Variants in ST3GAL4 observed in about 807,000 individuals in gnomAD.
ST3GAL4 encodes the protein CMP-N-acetylneuraminate-beta-galactosamide-alpha-2,3-sialyltransferase 4.
A neutral mutation model predicts 42.6 loss-of-function variants in ST3GAL4; 24 were observed. That is an observed-to-expected ratio of 0.56 (90% CI 0.41 to 0.79). ST3GAL4 has a LOEUF of 0.79. Among genes scored for constraint, ST3GAL4 ranks in the 30% least tolerant of loss-of-function variants. ST3GAL4 has a pLI of 0.00. For missense variants in ST3GAL4, 311 were observed against 430.8 expected (o/e 0.72, Z 2.46); for synonymous variants, 135 against 163.2 (o/e 0.83, Z 1.32).
Position 126,400,158 on chromosome 11 carries a change from A to T in ST3GAL4, c.-60-5938A>T, listed in dbSNP as rs1157925865. On this transcript the variant is annotated intron_variant, in intron 1 of 10. Coordinates refer to ENST00000444328, the MANE Select transcript of ST3GAL4 (RefSeq NM_001254757.2). This position sits in a 1 kb window ranked among gnomAD's most constrained non-coding sequence, Gnocchi z 4.6. ...ACCACAGATTGAGTATATTATAATG[A>T]ATAGAATTTTATTTGGCTCATGGTT... Among the ~76,000 whole-genome samples the T allele has an allele frequency of 6.6e-6, 1 of 152,146 alleles. No homozygotes were observed. The highest frequency in any genetic ancestry group is 1.5e-5 in the Non-Finnish European group (1 of 68,042).
chr11:126,407,912 T>G (rs934784058), intron 6 of ST3GAL4, among the ~76,000 whole-genome samples, 187 bp from the exon 7 acceptor site: 2 of 152,058 alleles, frequency 1.3e-5, no homozygotes, highest in African/African-American at 4.8e-5. Context: ...AGTCTCCTCC[T>G]CTTACAAAGC....
Position 126,384,482 on chromosome 11 carries a change from G to A in ST3GAL4, c.-60-21614G>A, listed in dbSNP as rs1953136974. On this transcript the variant is annotated intron_variant, in intron 1 of 10. Coordinates refer to ENST00000444328, the MANE Select transcript of ST3GAL4 (RefSeq NM_001254757.2). The surrounding 1 kb of genome is among the most constrained non-coding windows in gnomAD (Gnocchi z 5.5). ...GTGTGTCATCTGCAGAGGCAGCACT[G>A]TTCTGGAAGTGGACTCTGCTCAGGT... Among the ~76,000 whole-genome samples the A allele has an allele frequency of 6.6e-6, 1 of 152,092 alleles. No individual in the cohort carries two copies. Among genetic ancestry groups the A allele is most frequent in the African/African-American group, 2.4e-5 (1 of 41,418 alleles).
In ST3GAL4 at chr11:126,411,765, G is replaced by A. The variant is rs910179941; in HGVS notation, c.772-1740G>A. Reference sequence around the variant, plus strand: ...TGGAGGTGGCCCACATTTCTTGACCGTACAGCCTCCATCTTCAAGCCAGCG... The same window carrying A: ...TGGAGGTGGCCCACATTTCTTGACCATACAGCCTCCATCTTCAAGCCAGCG... On this transcript the variant is annotated intron_variant, in intron 9 of 10. Coordinates refer to ENST00000444328, the MANE Select transcript of ST3GAL4 (RefSeq NM_001254757.2). This position sits in a 1 kb window ranked among gnomAD's most constrained non-coding sequence, Gnocchi z 6.3. Among the ~76,000 whole-genome samples, 5 of 151,992 alleles carry A rather than the reference G, an allele frequency of 3.3e-5. No individual in the cohort carries two copies. The highest frequency in any genetic ancestry group is 2.0e-4 in the Admixed American group (3 of 15,236).
Position 126,408,183 on chromosome 11 carries a change from T to C in ST3GAL4, c.426T>C (p.Asp142=). The change falls in exon 7 of 11, where the codon GAT becomes GAC. Residue 142 remains aspartate (D), a synonymous_variant. Transcript: ENST00000444328. ...TGGGAGATGCCATCAACAAGTACGA[T>C]GTGGTCATCAGGTGTGTGTGACTGT... ...SSLGDAINKY[D]VVIRLNNAPV... 1.2e-6 allele frequency: 2 copies of C among 1,614,090 alleles called. No individual in the cohort carries two copies. Among genetic ancestry groups the C allele is most frequent in the South Asian group, 1.1e-5 (1 of 91,084 alleles).
In ST3GAL4 at chr11:126,363,636, T is replaced by G. The variant is rs1459032542; in HGVS notation, c.-61+7794T>G. The stretch of plus-strand genomic sequence containing the variant: ...CCCTCATGCAACTCTTTGGACATCT[T>G]CCTGCAAAGGACGGTGGGATCTTGT... On this transcript the variant is annotated intron_variant, in intron 1 of 10. Transcript: ENST00000444328. This position sits in a 1 kb window ranked among gnomAD's most constrained non-coding sequence, Gnocchi z 4.6. Among the ~76,000 whole-genome samples the G allele has an allele frequency of 6.6e-6, 1 of 152,220 alleles. No homozygotes were observed. Among genetic ancestry groups the G allele is most frequent in the Admixed American group, 6.5e-5 (1 of 15,286 alleles).
intron 1 of ST3GAL4, among the ~76,000 whole-genome samples, chr11:126,368,428 G>C (rs1952517902): frequency 6.6e-6 from 1 of 152,252 alleles, no homozygotes; most frequent in Non-Finnish European, 1.5e-5. Context: ...TGTTTCTGCT[G>C]ACTTGTCCAG....
At chr11:126,399,575 A>G (rs1953920877) in intron 1 of ST3GAL4, among the ~76,000 whole-genome samples, 1 of 152,032 alleles carries the variant, frequency 6.6e-6, no homozygotes, top group Non-Finnish European at 1.5e-5. Context: ...CCAAAGTGCT[A>G]GGATTACAGA....
At chr11:126,369,115 A>C (rs1324509102) in intron 1 of ST3GAL4, among the ~76,000 whole-genome samples, 2 of 152,196 alleles carry the variant, frequency 1.3e-5, no homozygotes, top group African/African-American at 4.8e-5. Context: ...AGGGCTAGTC[A>C]GTGAGAGGCA....
chr11:126,363,167 G>A lies in ST3GAL4; in HGVS notation c.-61+7325G>A, dbSNP rs114421304. On this transcript the variant is annotated intron_variant, in intron 1 of 10. Transcript: ENST00000444328. The surrounding 1 kb of genome is among the most constrained non-coding windows in gnomAD (Gnocchi z 4.6). ...GGAGATTGTCCTCACAGGCAGTGTG[G>A]GCCGTTTCTCTAGACCTCCTGCCCC... is the stretch of plus-strand genomic sequence containing the variant. Among the ~76,000 whole-genome samples the A allele has an allele frequency of 6.5e-3, 991 of 152,258 alleles. 12 individuals carry two copies. Among genetic ancestry groups the A allele is most frequent in the African/African-American group, 0.02 (846 of 41,542 alleles).
At chr11:126,385,218 G>T (rs539297716) in intron 1 of ST3GAL4, among the ~76,000 whole-genome samples, 5 of 151,338 alleles carry the variant, frequency 3.3e-5, no homozygotes, top group Non-Finnish European at 5.9e-5. Flanking sequence ...GTGCAGTGGC[G>T]ATCTCGGCTC....
rs1255370146 is a variant in ST3GAL4, at chr11:126,378,223, T to C, written c.-61+22381T>C. ...AAAATGAATAATTCGGTGTTATCGA[T>C]AGAAAGGGTCAAAGTGCATCCTATT... On this transcript the variant is annotated intron_variant, in intron 1 of 10. Coordinates refer to ENST00000444328, the MANE Select transcript of ST3GAL4 (RefSeq NM_001254757.2). This position sits in a 1 kb window ranked among gnomAD's most constrained non-coding sequence, Gnocchi z 5.3. Among the ~76,000 whole-genome samples the C allele has an allele frequency of 3.9e-5, 6 of 152,324 alleles. No individual in the cohort carries two copies. In the East Asian group the frequency reaches 7.7e-4, roughly 20 times the overall value.
rs896197688 is a variant in ST3GAL4, at chr11:126,392,939, G to A, written c.-60-13157G>A. On this transcript the variant is annotated intron_variant, in intron 1 of 10. Coordinates refer to ENST00000444328, the MANE Select transcript of ST3GAL4 (RefSeq NM_001254757.2). The surrounding 1 kb of genome is among the most constrained non-coding windows in gnomAD (Gnocchi z 5.8). ...ACTGATTCCAGATCTCTCAACATTT[G>A]TAACACGACCAACTCCTGTTCTTTT... 1.3e-5 allele frequency among the ~76,000 whole-genome samples: 2 copies of A among 149,588 alleles called. No homozygotes were observed. Among genetic ancestry groups the A allele is most frequent in the African/African-American group, 2.5e-5 (1 of 40,424 alleles).
At chr11:126,368,935 C>T (rs907278786) in intron 1 of ST3GAL4, among the ~76,000 whole-genome samples, 5 of 152,160 alleles carry the variant, frequency 3.3e-5, no homozygotes, top group African/African-American at 1.2e-4. Flanking sequence ...TCCCCCACCC[C>T]GTTGGAGAAG....
At chr11:126,395,600 T>C (rs1038549050) in intron 1 of ST3GAL4, among the ~76,000 whole-genome samples, 1 of 152,128 alleles carries the variant, frequency 6.6e-6, no homozygotes, top group Admixed American at 6.5e-5. Context: ...AGAGACCTGG[T>C]GGGAGATAAT....
intron 1 of ST3GAL4, chr11:126,403,491 G>C: frequency 2.1e-6 from 2 of 974,588 alleles, no homozygotes; most frequent in South Asian, 4.7e-5. Context: ...GAGGAGGTAC[G>C]GCGCTGATTT....
intron 1 of ST3GAL4, among the ~76,000 whole-genome samples, chr11:126,367,069 G>A (rs1242000289): frequency 6.6e-6 from 1 of 152,148 alleles, no homozygotes; most frequent in East Asian, 1.9e-4. Flanking sequence ...GGGCACCGTG[G>A]TGGAGATGGA....
At chr11:126,403,754 G>C (rs987224887) in intron 1 of ST3GAL4, among the ~76,000 whole-genome samples, 1 of 152,192 alleles carries the variant, frequency 6.6e-6, no homozygotes, top group Non-Finnish European at 1.5e-5. Flanking sequence ...GAGGGATCCT[G>C]GTTCGGAGCA....
chr11:126,356,647 G>A (rs950207079), intron 1 of ST3GAL4, among the ~76,000 whole-genome samples: 1 of 152,222 alleles, frequency 6.6e-6, no homozygotes, highest in African/African-American at 2.4e-5. Flanking sequence ...GGGAACTGCT[G>A]CCAGAAGGCT....
intron 1 of ST3GAL4, among the ~76,000 whole-genome samples, chr11:126,385,088 C>T (rs1319483057): frequency 1.3e-5 from 2 of 151,962 alleles, no homozygotes; most frequent in South Asian, 2.1e-4. Flanking sequence ...TGCTGTTATC[C>T]ACATTTAAAA....
Sources: allele counts gnomAD v4.1 joint callset (sites outside exome capture counted in the v4.1 genomes callset), GRCh38; gene constraint gnomAD v4.1.1; non-coding constraint Gnocchi (gnomAD v3.1); transcripts MANE v1.5; gene names NCBI Gene and HGNC (gene_info 2026-07-23, HGNC 2026-07-21).